ZNF385D: variants seen among roughly 807,000 people sequenced by gnomAD.
The protein encoded by ZNF385D is zinc finger protein 385D.
A neutral mutation model predicts 35.8 loss-of-function variants in ZNF385D; 15 were observed. That is an observed-to-expected ratio of 0.42 (90% CI 0.28 to 0.64). The LOEUF (loss-of-function observed/expected upper bound fraction) is 0.64. ZNF385D is among the 30% of genes least tolerant of loss of function. The pLI, the probability that ZNF385D is intolerant of heterozygous loss-of-function variation, is 0.23. For missense variants in ZNF385D, 474 were observed against 494.6 expected, an observed-to-expected ratio of 0.96 and a Z score of 0.39; for synonymous variants, 212 against 186.8, an observed-to-expected ratio of 1.13 and a Z score of -1.10.
chr3:21,627,596 A>G (rs1206568231), intron 2 of ZNF385D, among the ~76,000 whole-genome samples: 1 of 152,106 alleles, frequency 6.6e-6, no homozygotes, highest in African/African-American at 2.4e-5. Context: ...ATGCTATATA[A>G]ATCTGAGTTA....
At chr3:21,915,664 T>A (rs1216214568) in intron 3 of ZNF385D, among the ~76,000 whole-genome samples, 3 of 152,024 alleles carry the variant, frequency 2.0e-5, no homozygotes, top group African/African-American at 7.2e-5. Flanking sequence ...AACAACAAAG[T>A]GCTTTATATC....
intron 3 of ZNF385D, among the ~76,000 whole-genome samples, chr3:21,999,007 G>A (rs1413092891): frequency 1.3e-5 from 2 of 152,190 alleles, no homozygotes; most frequent in African/African-American, 4.8e-5. Flanking sequence ...AGTTTACTTG[G>A]TTTTCTCGGT....
At chr3:22,093,521 G>A (rs1183194613) in intron 3 of ZNF385D, among the ~76,000 whole-genome samples, 1 of 151,870 alleles carries the variant, frequency 6.6e-6, no homozygotes, top group Non-Finnish European at 1.5e-5. Flanking sequence ...TTATTTATAA[G>A]CAAAAAACAG....
At chr3:22,088,174 C>T (rs932500044) in intron 3 of ZNF385D, among the ~76,000 whole-genome samples, 1 of 152,176 alleles carries the variant, frequency 6.6e-6, no homozygotes, top group African/African-American at 2.4e-5. Context: ...AGAGAATACC[C>T]TTCTGCCCAT....
chr3:21,717,434 G>T (rs760711110), intron 1 of ZNF385D, among the ~76,000 whole-genome samples: 65 of 152,138 alleles, frequency 4.3e-4, no homozygotes, highest in Non-Finnish European at 9.1e-4. Context: ...TCTCTCTGAG[G>T]TCCTTGATAC....
chr3:22,004,274 TC>T (rs1212540219), intron 3 of ZNF385D, among the ~76,000 whole-genome samples: 6 of 152,080 alleles, frequency 3.9e-5, no homozygotes, highest in Non-Finnish European at 8.8e-5. Flanking sequence ...CTCAGCATAT[TC>T]AAAAAATGAC....
chr3:22,199,334 A>G (rs1021181685), intron 2 of ZNF385D, among the ~76,000 whole-genome samples: 2 of 152,118 alleles, frequency 1.3e-5, no homozygotes, highest in African/African-American at 4.8e-5. Context: ...CATGATTTGA[A>G]TGTTTTATTC....
intron 3 of ZNF385D, among the ~76,000 whole-genome samples, chr3:22,145,119 G>GTA (rs1704771663): frequency 6.6e-6 from 1 of 151,892 alleles, no homozygotes. Flanking sequence ...ACATACATTT[G>GTA]TATATATAAA....
chr3:21,703,593 A>C (rs2336039), intron 1 of ZNF385D, among the ~76,000 whole-genome samples: 63,992 of 151,754 alleles, frequency 0.42, 14,340 homozygotes, highest in Middle Eastern at 0.53. Context: ...TGGGTGTGTA[A>C]AATAAACTTT....
chr3:22,252,402 C>T (rs1312561617), intron 2 of ZNF385D, among the ~76,000 whole-genome samples: 1 of 151,984 alleles, frequency 6.6e-6, no homozygotes, highest in African/African-American at 2.4e-5. Flanking sequence ...ACTTAAGATG[C>T]AGATCTTGCC....
At chr3:22,334,389 C>A (rs1695073598) in intron 2 of ZNF385D, among the ~76,000 whole-genome samples, 1 of 152,036 alleles carries the variant, frequency 6.6e-6, no homozygotes, top group South Asian at 2.1e-4. Flanking sequence ...ATGTTAGTTC[C>A]ATTTACCCTT....
At chr3:21,486,829 G>T (rs2125394709) in intron 4 of ZNF385D, among the ~76,000 whole-genome samples, 2 of 151,970 alleles carry the variant, frequency 1.3e-5, no homozygotes, top group South Asian at 4.2e-4. Flanking sequence ...ATGTTTATTT[G>T]TTCATTGATT....
chr3:22,029,731 G>C (rs889097306), intron 3 of ZNF385D, among the ~76,000 whole-genome samples: 21 of 152,060 alleles, frequency 1.4e-4, no homozygotes, highest in Non-Finnish European at 2.1e-4. Context: ...AATAGTATTT[G>C]GGTTGGGGAT....
At chr3:22,152,552 C>T (rs570152366) in intron 3 of ZNF385D, among the ~76,000 whole-genome samples, 29 of 152,266 alleles carry the variant, frequency 1.9e-4, no homozygotes, top group African/African-American at 6.7e-4. Flanking sequence ...CTTCTAGAAG[C>T]CACCTGCATT....
chr3:21,556,428 G>T (rs1376537503), intron 3 of ZNF385D, among the ~76,000 whole-genome samples: 7 of 152,062 alleles, frequency 4.6e-5, no homozygotes, highest in African/African-American at 1.7e-4. Flanking sequence ...TCCAGTTTCA[G>T]CTTTCTGCAT....
intron 3 of ZNF385D, among the ~76,000 whole-genome samples, chr3:21,547,817 A>C (rs557687523): frequency 7.2e-5 from 11 of 151,826 alleles, no homozygotes; most frequent in Non-Finnish European, 2.9e-5. Flanking sequence ...GGGCTTCTCC[A>C]TATTGGTCAG....
chr3:22,031,247 C>T (rs1697981220), intron 3 of ZNF385D, among the ~76,000 whole-genome samples: 1 of 152,228 alleles, frequency 6.6e-6, no homozygotes, highest in Admixed American at 6.5e-5. Context: ...CTAGGCAGTG[C>T]CCCAGTAGGG....
intron 2 of ZNF385D, among the ~76,000 whole-genome samples, chr3:21,650,587 A>C (rs987514213): frequency 6.6e-6 from 1 of 152,158 alleles, no homozygotes; most frequent in Non-Finnish European, 1.5e-5. Flanking sequence ...AAATCCTCTG[A>C]AGAGCTCAAA....
intron 2 of ZNF385D, among the ~76,000 whole-genome samples, chr3:22,221,163 A>G (rs1345976317): frequency 6.6e-6 from 1 of 152,102 alleles, no homozygotes; most frequent in Non-Finnish European, 1.5e-5. Context: ...CTATATAGGT[A>G]CACACAGAAA....
Sources: gnomAD v4.1 joint callset for allele counts (sites outside exome capture counted in the v4.1 genomes callset) on GRCh38, gnomAD v4.1.1 for gene constraint, MANE v1.5 for transcripts, NCBI Gene and HGNC (gene_info 2026-07-23, HGNC 2026-07-21) for gene names.